The following PFKFB3 variants were observed in gnomAD, a reference collection of about 807,000 sequenced individuals.
PFKFB3 encodes the protein 6-phosphofructo-2-kinase/fructose-2,6-biphosphatase 3, also known as 6-phosphofructo-2-kinase/fructose-2,6-bisphosphatase 3.
In PFKFB3, 33 loss-of-function variants were observed where a neutral mutation model predicts 68.0. The ratio of observed to expected loss-of-function variants is 0.49; its 90% CI spans 0.37 to 0.65. PFKFB3 has a LOEUF of 0.65. PFKFB3 is among the 30% of genes least tolerant of loss of function. The pLI is 0.00. For missense variants in PFKFB3, 586 were observed against 712.2 expected, an observed-to-expected ratio of 0.82 and a Z score of 2.02; for synonymous variants, 315 against 288.2, an observed-to-expected ratio of 1.09 and a Z score of -0.94.
At chr10:6,265,918 A>C in the PFKFB3 span, among the ~76,000 whole-genome samples, 1 of 149,370 alleles carries the variant, frequency 6.7e-6, no homozygotes, top group Non-Finnish European at 1.5e-5. Context: ...ATTTATTATT[A>C]TCATTTTTTA....
At chr10:6,236,346 G>C (rs1846011638), downstream of PFKFB3, among the ~76,000 whole-genome samples, 1 of 152,202 alleles carries the variant, frequency 6.6e-6, no homozygotes, top group South Asian at 2.1e-4. Context: ...GGTGGAGCGT[G>C]GCAAACACCA....
chr10:6,164,821 A>T (rs1040448537), intron 1 of PFKFB3, among the ~76,000 whole-genome samples: 100 of 152,302 alleles, frequency 6.6e-4, no homozygotes, highest in Middle Eastern at 6.8e-3. Flanking sequence ...TTACTCAGAC[A>T]TCTCAGTGTA....
At chr10:6,326,389 A>T in the PFKFB3 span, among the ~76,000 whole-genome samples, 1 of 152,176 alleles carries the variant, frequency 6.6e-6, no homozygotes, top group Non-Finnish European at 1.5e-5. Flanking sequence ...CCACCATGGC[A>T]CACGTTTACC....
the PFKFB3 span, among the ~76,000 whole-genome samples, chr10:6,308,375 T>A: frequency 6.6e-6 from 1 of 152,126 alleles, no homozygotes; most frequent in Non-Finnish European, 1.5e-5. Context: ...TAGCTGGGCA[T>A]GGTGGTGGTC....
intron 14 of PFKFB3, among the ~76,000 whole-genome samples, chr10:6,227,975 C>T (rs1275139916): frequency 6.6e-6 from 1 of 152,342 alleles, no homozygotes; most frequent in Admixed American, 6.5e-5. Context: ...ATATCCTGAG[C>T]TGCACAGACC....
intron 1 of PFKFB3, among the ~76,000 whole-genome samples, chr10:6,176,291 G>A (rs952279368): frequency 6.6e-6 from 1 of 152,186 alleles, no homozygotes; most frequent in African/African-American, 2.4e-5. Context: ...GGTGGTGATG[G>A]GAGGGGGCAC....
intron 1 of PFKFB3, among the ~76,000 whole-genome samples, chr10:6,211,156 G>T (rs532082615): frequency 6.6e-6 from 1 of 152,226 alleles, no homozygotes; most frequent in East Asian, 1.9e-4. Context: ...AGTTTATTTG[G>T]GTTTGAAATC....
chr10:6,319,937 G>T, the PFKFB3 span, among the ~76,000 whole-genome samples: 8 of 152,206 alleles, frequency 5.3e-5, no homozygotes, highest in Admixed American at 5.2e-4. Context: ...AGTGGCACAT[G>T]TCTGTAATCC....
intron 1 of PFKFB3, among the ~76,000 whole-genome samples, chr10:6,170,345 A>G (rs982617422): frequency 1.3e-5 from 2 of 152,076 alleles, no homozygotes; most frequent in Admixed American, 1.3e-4. Flanking sequence ...CACCTTCTAG[A>G]CTCACTCGTT....
the PFKFB3 span, among the ~76,000 whole-genome samples, chr10:6,282,709 C>A: frequency 6.6e-6 from 1 of 151,932 alleles, no homozygotes; most frequent in African/African-American, 2.4e-5. Context: ...TTAAAGTAAC[C>A]AAGAATTTAC....
chr10:6,303,975 G>C, the PFKFB3 span, among the ~76,000 whole-genome samples: 1 of 152,074 alleles, frequency 6.6e-6, no homozygotes, highest in African/African-American at 2.4e-5. Flanking sequence ...AAATGAAAAT[G>C]AGAGTGCAGG....
rs144608203 is a variant in PFKFB3 at position 6,215,212 on chromosome 10, C to T, written c.203-9C>T. On this transcript the variant is annotated splice_polypyrimidine_tract_variant and intron_variant, in intron 2 of 14. Transcript: ENST00000379775. This position sits in a 1 kb window ranked among gnomAD's most constrained non-coding sequence, Gnocchi z 4.3. Reference sequence around the variant, plus strand: ...CGATCATCCAGACTGTTCTCTTTCCCGTCCACAGTGTTCAACGTCGGGGAG... The same window carrying T: ...CGATCATCCAGACTGTTCTCTTTCCTGTCCACAGTGTTCAACGTCGGGGAG... 1.7e-4 allele frequency: 268 copies of T among 1,610,882 alleles called. No homozygotes were observed. In the African/African-American group the frequency reaches 2.6e-3, roughly 15 times the overall value.
At chr10:6,150,326 T>A (rs1436029069) in intron 1 of PFKFB3, among the ~76,000 whole-genome samples, 1 of 152,160 alleles carries the variant, frequency 6.6e-6, no homozygotes, top group Non-Finnish European at 1.5e-5. Flanking sequence ...AGAGCCACAT[T>A]AAGATCCTTA....
chr10:6,308,856 T>A, the PFKFB3 span, among the ~76,000 whole-genome samples: 1 of 152,248 alleles, frequency 6.6e-6, no homozygotes. Context: ...AACATCATTT[T>A]AAAGATGCCG....
rs1468222190 is a variant in PFKFB3, at chr10:6,210,365, T to G, written c.77-3258T>G. On this transcript the variant is annotated intron_variant, in intron 1 of 14. Coordinates refer to ENST00000379775, the MANE Select transcript of PFKFB3 (RefSeq NM_004566.4). Reference sequence around the variant, plus strand: ...TTTTTTGTTTTTTTTTGTTTTTTTGTTTTTTTTTTTTTTGAGACGAAGTTT... The same window carrying G: ...TTTTTTGTTTTTTTTTGTTTTTTTGGTTTTTTTTTTTTTGAGACGAAGTTT... 1.1e-3 allele frequency among the ~76,000 whole-genome samples: 34 copies of G among 31,338 alleles called. 6 individuals are homozygous for G. The highest frequency in any genetic ancestry group is 2.2e-3 in the African/African-American group (26 of 11,926). The allele number at this position is 31,338 out of a possible 152,430, so 20.6% of individuals were successfully genotyped here. A position where few individuals can be genotyped will look rare whatever the true frequency, so the allele number is the denominator to read the frequency against.
downstream of PFKFB3, among the ~76,000 whole-genome samples, chr10:6,256,838 G>A (rs981695849): frequency 2.0e-5 from 3 of 152,180 alleles, no homozygotes; most frequent in Non-Finnish European, 2.9e-5. Context: ...TCTGGGCAAA[G>A]GGAACCGTGC....
At chr10:6,216,269 G>C (rs1002415846) in intron 4 of PFKFB3, 78 bp downstream of exon 4, 2 of 1,334,766 alleles carry the variant, frequency 1.5e-6, no homozygotes. Flanking sequence ...GGTGTACCGA[G>C]ACCTGTGCCT....
At chr10:6,163,318 A>G (rs905036829) in intron 1 of PFKFB3, among the ~76,000 whole-genome samples, 23 of 152,262 alleles carry the variant, frequency 1.5e-4, no homozygotes, top group African/African-American at 4.8e-4. Flanking sequence ...CCCTCCCTCT[A>G]TTGTTCTCAA....
downstream of PFKFB3, among the ~76,000 whole-genome samples, chr10:6,256,012 G>A (rs187341075): frequency 2.7e-4 from 41 of 152,312 alleles, no homozygotes; most frequent in Middle Eastern, 3.4e-3. Flanking sequence ...AACAAGGGGC[G>A]TAGGCTGCAG....
Sources: allele counts gnomAD v4.1 joint callset (sites outside exome capture counted in the v4.1 genomes callset), GRCh38; gene constraint gnomAD v4.1.1; non-coding constraint Gnocchi (gnomAD v3.1); transcripts MANE v1.5; gene names NCBI Gene and HGNC (gene_info 2026-07-23, HGNC 2026-07-21).